Variants in UBTF observed in about 807,000 individuals in gnomAD.
The protein encoded by UBTF is upstream binding transcription factor.
A neutral mutation model predicts 112.3 loss-of-function variants in UBTF; 8 were observed. The ratio of observed to expected loss-of-function variants is 0.07; its 90% CI spans 0.04 to 0.13. The LOEUF (loss-of-function observed/expected upper bound fraction) is 0.13. Among genes scored for constraint, UBTF ranks in the 10% least tolerant of loss-of-function variants. The pLI is 1.00. For missense variants in UBTF, 457 were observed against 982.1 expected (o/e 0.47, Z 7.15); for synonymous variants, 417 against 373.1 (o/e 1.12, Z -1.36).
chr17:44,211,620 T>G lies in UBTF; in HGVS notation c.1033A>C (p.Lys345Gln). ...LSQKEKDAYH[K>Q]KCDQKKKDYE... Reference sequence around the variant, plus strand: ...CCACAGCTCACCTGATCACACTTCTTGTGATAGGCGTCCTTCTCCTTCTGG... The same window carrying G: ...CCACAGCTCACCTGATCACACTTCTGGTGATAGGCGTCCTTCTCCTTCTGG... The change falls in exon 10 of 21, where the codon AAG becomes CAG. Residue 345 changes from lysine to glutamine, a missense_variant. Around this residue, in one of 7 missense-constraint regions of UBTF, gnomAD observed 87 missense variants for 286.6 expected, o/e 0.30. Transcript: ENST00000436088. This position sits in a 1 kb window ranked among gnomAD's most constrained non-coding sequence, Gnocchi z 4.9. The G allele has an allele frequency of 6.2e-7, 1 of 1,611,572 alleles. No homozygotes were observed. Among genetic ancestry groups the G allele is most frequent in the Non-Finnish European group, 8.5e-7 (1 of 1,179,818 alleles).
In UBTF at chr17:44,207,222, C is replaced by G. The variant is rs200826893; in HGVS notation, c.*20G>C. The G allele has an allele frequency of 1.1e-3, 1,727 of 1,612,968 alleles. 8 individuals are homozygous for G. Among genetic ancestry groups the G allele is most frequent in the Non-Finnish European group, 8.0e-4 (939 of 1,179,696 alleles). On this transcript the variant is annotated 3_prime_UTR_variant, in exon 21 of 21. Coordinates refer to ENST00000436088, the MANE Select transcript of UBTF (RefSeq NM_014233.4). ...GGAGCTCCTGGGCTCTCCCTGGCTG[C>G]CCTGGGGTGGGGCTGAGCCTCAGTT...
intron 17 of UBTF, 21 bp from the exon 18 acceptor site, chr17:44,207,932 A>C (rs1344174777): frequency 1.2e-6 from 2 of 1,613,486 alleles, no homozygotes; most frequent in Non-Finnish European, 1.7e-6. Context: ...CAGAAGCGGC[A>C]AGGGTTGGAA....
At position 44,210,151 on chromosome 17, in the gene UBTF, C is replaced by T. The variant is rs2071167; in HGVS notation, c.1599G>A (p.Lys533=). ...EKKEKLMWIK[K]AAEDQKRYER... is the part of the protein sequence containing the mutation. ...CATATCGCTTTTGGTCTTCGGCTGC[C>T]TTCTTAATCCACATCAGTTTCTCCT... Residue 533 remains lysine, a synonymous_variant, in exon 15 of 21, where the codon AAG becomes AAA. Coordinates refer to ENST00000436088, the MANE Select transcript of UBTF (RefSeq NM_014233.4). 449,873 of 1,613,966 alleles carry T rather than the reference C, an allele frequency of 0.28. 70,632 individuals are homozygous for T. Among genetic ancestry groups the T allele is most frequent in the East Asian group, 0.66 (29,618 of 44,872 alleles).
upstream of UBTF, chr17:44,221,007 G>A (rs957328151): frequency 4.0e-4 from 61 of 150,918 alleles, no homozygotes; most frequent in Admixed American, 6.6e-4. Flanking sequence ...CGCCTCCCGG[G>A]CCACCCCGGC....
Position 44,207,145 on chromosome 17 carries a change from G to C in UBTF, c.*97C>G, listed in dbSNP as rs765999022. On this transcript the variant is annotated 3_prime_UTR_variant, in exon 21 of 21. Coordinates refer to ENST00000436088, the MANE Select transcript of UBTF (RefSeq NM_014233.4). The stretch of plus-strand genomic sequence containing the variant: ...AAAGAAAGAAAGTGGGGGAGGCCAG[G>C]GGGGCAAGGGACAGAACATGGGGGA... 3.0e-5 allele frequency: 41 copies of C among 1,376,624 alleles called. No individual in the cohort carries two copies. Among genetic ancestry groups the C allele is most frequent in the Non-Finnish European group, 4.0e-5 (40 of 1,003,902 alleles). The allele number at this position is 1,376,624 out of a possible 1,614,324, so 85.3% of individuals were successfully genotyped here.
Position 44,211,246 on chromosome 17 carries a change from G to C in UBTF, c.1089+44C>G. The C allele has an allele frequency of 6.2e-7, 1 of 1,614,132 alleles. No individual in the cohort carries two copies. Among genetic ancestry groups the C allele is most frequent in the Non-Finnish European group, 8.5e-7 (1 of 1,180,024 alleles). On this transcript the variant is annotated intron_variant, in intron 11 of 20. Coordinates refer to ENST00000436088, the MANE Select transcript of UBTF (RefSeq NM_014233.4). The surrounding 1 kb of genome is among the most constrained non-coding windows in gnomAD (Gnocchi z 4.9). ...GGCTCACCAGGGCTCTGCCTGCCAA[G>C]TCCCAGTCTTCTCTGCCCACTGCCC...
rs367937767 is a variant in UBTF, at chr17:44,211,031, C to T, written c.1203+8G>A. ...ACCCCCGCCTGCGCGGCCGCACCCTCTGCCCACCTTGCCCCCTTCCTGGGC... is the reference window on the plus strand; with the variant it reads ...ACCCCCGCCTGCGCGGCCGCACCCTTTGCCCACCTTGCCCCCTTCCTGGGC... On this transcript the variant is annotated splice_region_variant and intron_variant, in intron 12 of 20. Coordinates refer to ENST00000436088, the MANE Select transcript of UBTF (RefSeq NM_014233.4). This position sits in a 1 kb window ranked among gnomAD's most constrained non-coding sequence, Gnocchi z 4.9. 9 of 1,608,948 alleles carry T rather than the reference C, an allele frequency of 5.6e-6. No individual in the cohort carries two copies. In the African/African-American group the frequency reaches 9.3e-5, roughly 17 times the overall value.
At chr17:44,220,076 C>A (rs1225269230), upstream of UBTF, among the ~76,000 whole-genome samples, 1 of 82,346 alleles carries the variant, frequency 1.2e-5, no homozygotes, top group African/African-American at 6.6e-5. Flanking sequence ...CTGCTGCCGC[C>A]GCCGGGGAAG....
upstream of UBTF, among the ~76,000 whole-genome samples, chr17:44,220,079 CG>C (rs1226162247): frequency 8.7e-4 from 19 of 21,746 alleles, no homozygotes; most frequent in African/African-American, 3.6e-3. Context: ...CTGCCGCCGC[CG>C]GGGAAGGGGG....
intron 5 of UBTF, among the ~76,000 whole-genome samples, chr17:44,214,977 G>A (rs1234280258): frequency 6.6e-6 from 1 of 152,170 alleles, no homozygotes; most frequent in East Asian, 1.9e-4. Context: ...ACTGAGCCCT[G>A]CCTGGGAGGC....
chr17:44,208,595 C>T (rs1427717509), intron 17 of UBTF: 1 of 156,408 alleles, frequency 6.4e-6, no homozygotes, highest in Admixed American at 6.4e-5. Flanking sequence ...ACCCTTGAGC[C>T]ATCGATGAGG....
chr17:44,216,950 T>C (rs2046874508), intron 2 of UBTF, among the ~76,000 whole-genome samples: 2 of 152,204 alleles, frequency 1.3e-5, no homozygotes, highest in Non-Finnish European at 2.9e-5. Flanking sequence ...TCTGGCTTGC[T>C]TCAAGGCTAT....
rs534681097 is a variant in UBTF, at chr17:44,213,975, C to G, written c.475-693G>C. ...TTGGCTTCCCTTCCCTTCATCACCC[C>G]CTTTTTAGCCTCCCCACTCTCACCT... On this transcript the variant is annotated intron_variant, in intron 5 of 20. Coordinates refer to ENST00000436088, the MANE Select transcript of UBTF (RefSeq NM_014233.4). 5.5e-4 allele frequency among the ~76,000 whole-genome samples: 83 copies of G among 152,194 alleles called. 1 individual carries two copies. Among genetic ancestry groups the G allele is most frequent in the African/African-American group, 1.9e-3 (77 of 41,512 alleles).
intron 3 of UBTF, chr17:44,216,260 G>A (rs79728446): frequency 0.022 from 13,225 of 603,198 alleles, 206 homozygotes; most frequent in Non-Finnish European, 0.028. Context: ...TAACACCTCC[G>A]TCAATCTCAG....
At chr17:44,221,121 G>A (rs2047168095), upstream of UBTF, 1 of 151,992 alleles carries the variant, frequency 6.6e-6, no homozygotes, top group Non-Finnish European at 1.5e-5. Context: ...AAAGAAAAAT[G>A]GTTTTCGTCT....
Position 44,211,164 on chromosome 17 carries a change from AGAG to A in UBTF, c.1090-15_1090-13del. ...TCCTCAGGCAGGCTCTGGACAGGAA[AGAG>A]GAGCACGGGGCTGCATGCCTGGCAC... On this transcript the variant is annotated splice_polypyrimidine_tract_variant and intron_variant, in intron 11 of 20. Transcript: ENST00000436088. This position sits in a 1 kb window ranked among gnomAD's most constrained non-coding sequence, Gnocchi z 4.9. 1 of 1,613,040 alleles carries A rather than the reference AGAG, an allele frequency of 6.2e-7. No individual in the cohort carries two copies. Among genetic ancestry groups the A allele is most frequent in the Non-Finnish European group, 8.5e-7 (1 of 1,179,838 alleles).
chr17:44,219,608 TGCTGTGGCGGCGGCGGCGGCGGCGGCG>T lies in UBTF; in HGVS notation c.-258_-232del, dbSNP rs1444325660. 5.2e-4 allele frequency: 45 copies of T among 87,250 alleles called. No homozygotes were observed. The highest frequency in any genetic ancestry group is 1.4e-3 in the East Asian group (4 of 2,904). The allele number at this position is 87,250 out of a possible 1,614,324, so 5.4% of individuals were successfully genotyped here. On this transcript the variant is annotated 5_prime_UTR_variant, in exon 1 of 21. Coordinates refer to ENST00000436088, the MANE Select transcript of UBTF (RefSeq NM_014233.4). ...GCGGCGCTGGGGCGGCGGCTGCTGC[TGCTGTGGCGGCGGCGGCGGCGGCGGCG>T]GCTGTGGCTGCTGCCTGCTGCTCCT...
intron 17 of UBTF, among the ~76,000 whole-genome samples, chr17:44,208,368 G>C (rs893484368): frequency 6.6e-6 from 1 of 152,160 alleles, no homozygotes; most frequent in Admixed American, 6.5e-5. Flanking sequence ...GGCTCCCAAA[G>C]TGCTAGGATT....
upstream of UBTF, among the ~76,000 whole-genome samples, chr17:44,220,516 C>T (rs1209280132): frequency 1.3e-5 from 2 of 151,972 alleles, no homozygotes; most frequent in Non-Finnish European, 2.9e-5. Flanking sequence ...AAAAAAAAAC[C>T]CGAAAACTAA....
Sources: gnomAD v4.1 joint callset for allele counts (sites outside exome capture counted in the v4.1 genomes callset) on GRCh38, gnomAD v4.1.1 for gene constraint, gnomAD v4.1.1 regional missense constraint, Gnocchi (gnomAD v3.1) non-coding constraint, MANE v1.5 for transcripts, NCBI Gene and HGNC (gene_info 2026-07-23, HGNC 2026-07-21) for gene names.